Variants in HUNK observed in about 807,000 individuals in gnomAD.
HUNK encodes the protein hormonally up-regulated Neu-associated kinase.
HUNK carries 21 observed loss-of-function variants against 61.0 expected under a neutral mutation model. That is an observed-to-expected ratio of 0.34 (90% CI 0.24 to 0.50). HUNK has a LOEUF of 0.50. Ranked by LOEUF, HUNK falls within the 20% of genes least tolerant of loss-of-function variation. The probability of loss-of-function intolerance (pLI) is 0.98; values close to 1 mark genes in which losing one functional copy is unlikely to be tolerated. For synonymous variants in HUNK, 371 were observed against 386.1 expected, an observed-to-expected ratio of 0.96 and a Z score of 0.46; for missense variants, 772 against 945.7, an observed-to-expected ratio of 0.82 and a Z score of 2.41.
At position 31,910,460 on chromosome 21, in the gene HUNK, T is replaced by C. The variant is rs555501754; in HGVS notation, c.262-14008T>C. On this transcript the variant is annotated intron_variant, in intron 1 of 10. Transcript: ENST00000270112. ...CTGTTTCCAAATACAGCCATCTTTCTGTATCTGCAGGGATTGGTTTCAGGA... is the reference window on the plus strand; with the variant it reads ...CTGTTTCCAAATACAGCCATCTTTCCGTATCTGCAGGGATTGGTTTCAGGA... 9.9e-5 allele frequency among the ~76,000 whole-genome samples: 15 copies of C among 151,946 alleles called. No homozygotes were observed. The South Asian group carries it at 2.7e-3, about 27-fold the overall frequency.
intron 7 of HUNK, among the ~76,000 whole-genome samples, chr21:31,975,477 A>G (rs2053042297): frequency 6.6e-6 from 1 of 152,226 alleles, no homozygotes; most frequent in African/African-American, 2.4e-5. Flanking sequence ...TTTACTCAGA[A>G]TGGTGGGTGC....
rs779242198 is a variant in HUNK, at chr21:31,999,167, G to T, written c.2128G>T (p.Val710Phe). The T allele has an allele frequency of 3.1e-6, 5 of 1,605,826 alleles. No individual in the cohort carries two copies. Among genetic ancestry groups the T allele is most frequent in the Middle Eastern group, 1.7e-4 (1 of 6,016 alleles). ...CCTTGCCTTTGACATGGCCGATGGG[G>T]TCAAGACCCAGTGCTAACTTGGGCC... is the stretch of plus-strand genomic sequence containing the variant. ...VNLAFDMADG[V>F]KTQC The change falls in exon 11 of 11, where the codon GTC (valine) becomes TTC (phenylalanine). Residue 710 changes from valine to phenylalanine, a missense_variant. Physicochemically the swap from Val to Phe is conservative, Grantham distance 50 (BLOSUM62 -1). Transcript: ENST00000270112.
In HUNK at chr21:31,924,689, C is replaced by G; in HGVS notation, c.483C>G (p.Ser161=). 6.2e-7 allele frequency: 1 copy of G among 1,613,994 alleles called. No homozygotes were observed. Reference sequence around the variant, plus strand: ...ATGAGAAGAAGCGGCTGGAGGAGTCCGAAGCCCGCAGATACATCCGACAGC... The same window carrying G: ...ATGAGAAGAAGCGGCTGGAGGAGTCGGAAGCCCGCAGATACATCCGACAGC... ...KIYEKKRLEE[S]EARRYIRQLI... The change falls in exon 2 of 11, where the codon TCC becomes TCG. Residue 161 remains serine (S), a synonymous_variant. Coordinates refer to ENST00000270112, the MANE Select transcript of HUNK (RefSeq NM_014586.2). The surrounding 1 kb of genome is among the most constrained non-coding windows in gnomAD (Gnocchi z 5.1).
At chr21:31,889,074 T>A (rs1028454734) in intron 1 of HUNK, among the ~76,000 whole-genome samples, 2 of 152,200 alleles carry the variant, frequency 1.3e-5, no homozygotes, top group African/African-American at 4.8e-5. Flanking sequence ...ATCGTGAAGC[T>A]GGAAGTGCAT....
At chr21:31,996,635 G>A (rs779810908) in intron 10 of HUNK, among the ~76,000 whole-genome samples, 9 of 152,202 alleles carry the variant, frequency 5.9e-5, no homozygotes, top group Non-Finnish European at 1.2e-4. Flanking sequence ...AGCTGAGGGC[G>A]TCCTGAAGCA....
chr21:31,949,143 T>G (rs1282807436), intron 4 of HUNK, among the ~76,000 whole-genome samples: 1 of 152,238 alleles, frequency 6.6e-6, no homozygotes, highest in Middle Eastern at 3.2e-3. Context: ...TGCTGAAGGC[T>G]GGGCTCCCAG....
intron 9 of HUNK, among the ~76,000 whole-genome samples, chr21:31,991,337 A>G (rs1038107678): frequency 2.6e-5 from 4 of 151,734 alleles, no homozygotes; most frequent in African/African-American, 7.3e-5. Context: ...TCCTGTCTCA[A>G]CCTCTCAAGT....
chr21:31,939,109 CCCTT>C, intron 2 of HUNK, among the ~76,000 whole-genome samples: 1 of 152,220 alleles, frequency 6.6e-6, no homozygotes, highest in African/African-American at 2.4e-5. Context: ...GCTCATTTCT[CCCTT>C]CCACCTCCTC....
At chr21:31,911,364 G>T (rs1164109563) in intron 1 of HUNK, among the ~76,000 whole-genome samples, 1 of 152,190 alleles carries the variant, frequency 6.6e-6, no homozygotes, top group Non-Finnish European at 1.5e-5. Flanking sequence ...TTATAAGTGG[G>T]TGAGTCAGGG....
chr21:31,983,884 G>A (rs557766234), intron 8 of HUNK, among the ~76,000 whole-genome samples: 2 of 152,276 alleles, frequency 1.3e-5, no homozygotes, highest in Admixed American at 1.3e-4. Context: ...ATTGAATCTT[G>A]GGAGGTGAGA....
Position 31,873,773 on chromosome 21 carries a change from G to A in HUNK, c.99G>A (p.Glu33=), listed in dbSNP as rs1283596309. 6.6e-7 allele frequency: 1 copy of A among 1,514,488 alleles called. No homozygotes were observed. Among genetic ancestry groups the A allele is most frequent in the African/African-American group, 1.4e-5 (1 of 70,184 alleles). 93.8% of individuals were successfully genotyped at this position (1,514,488 alleles called of 1,614,324 possible). Residue 33 remains glutamate, a synonymous_variant, in exon 1 of 11, where the codon GAG becomes GAA. Coordinates refer to ENST00000270112, the MANE Select transcript of HUNK (RefSeq NM_014586.2). This position sits in a 1 kb window ranked among gnomAD's most constrained non-coding sequence, Gnocchi z 6.1. ...CGGCCAGGCCCGCGGCGGCCTGCGA[G>A]GGAAGTTTCCTGCCTGCCTGGGTGA... The part of the protein sequence containing the change: ...EDAARPAAAC[E]GSFLPAWVSG...
chr21:31,960,545 G>A (rs534793576), intron 5 of HUNK, among the ~76,000 whole-genome samples: 2 of 152,280 alleles, frequency 1.3e-5, no homozygotes, highest in East Asian at 3.9e-4. Flanking sequence ...CCGAGACTGG[G>A]TAATTTATAA....
At chr21:31,982,309 C>T (rs971147550) in intron 7 of HUNK, among the ~76,000 whole-genome samples, 13 of 152,172 alleles carry the variant, frequency 8.5e-5, no homozygotes, top group African/African-American at 2.9e-4. Flanking sequence ...ATACTCTAGG[C>T]GAGTGGCTGT....
At position 31,983,564 on chromosome 21, in the gene HUNK, G is replaced by A; in HGVS notation, c.1212G>A (p.Arg404=). The part of the protein sequence containing the change: ...DIQDSLCYKT[R]LYQIEKYRAP... ...AGGACAGCCTCTGCTACAAGACCCG[G>A]CTCTACCAGATAGAAAAGTACAGGG... Residue 404 remains arginine (R), a synonymous_variant, in exon 8 of 11, where the codon CGG becomes CGA. Coordinates refer to ENST00000270112, the MANE Select transcript of HUNK (RefSeq NM_014586.2). The A allele has an allele frequency of 6.2e-7, 1 of 1,613,864 alleles. No individual in the cohort carries two copies. Among genetic ancestry groups the A allele is most frequent in the Non-Finnish European group, 8.5e-7 (1 of 1,179,954 alleles).
chr21:31,945,576 T>TAAGTAAGTTG (rs1171662760), intron 3 of HUNK, among the ~76,000 whole-genome samples: 2 of 152,324 alleles, frequency 1.3e-5, no homozygotes, highest in Non-Finnish European at 2.9e-5. Context: ...GTGGCTGGAT[T>TAAGTAAGTTG]GCATGTCACT....
In HUNK at chr21:31,968,259, G is replaced by T. The variant is rs1305507396; in HGVS notation, c.884G>T (p.Ser295Ile). The T allele has an allele frequency of 2.5e-6, 4 of 1,614,106 alleles. No individual in the cohort carries two copies. The highest frequency in any genetic ancestry group is 3.4e-6 in the Non-Finnish European group (4 of 1,180,032). Reference sequence around the variant, plus strand: ...CCCAAATGTCTCCCAGGTGCCATCAGTTTCCTGCGCTCTCTCCTGGAACCG... The same window carrying T: ...CCCAAATGTCTCCCAGGTGCCATCATTTTCCTGCGCTCTCTCCTGGAACCG... The part of the protein sequence containing the change: ...LPTQLSTGAI[S>I]FLRSLLEPDP... The change falls in exon 6 of 11, where the codon AGT becomes ATT. Residue 295 changes from serine to isoleucine, a missense_variant. Coordinates refer to ENST00000270112, the MANE Select transcript of HUNK (RefSeq NM_014586.2).
Position 31,998,719 on chromosome 21 carries a change from C to T in HUNK, c.1680C>T (p.Arg560=), listed in dbSNP as rs185806046. 6.2e-7 allele frequency: 1 copy of T among 1,614,144 alleles called. No homozygotes were observed. The highest frequency in any genetic ancestry group is 1.1e-5 in the South Asian group (1 of 91,078). ...ACCCCCTGATGCTGGACATGGTGCG[C>T]TCCTTCGAGTCTGTGGATCGCGACG... is the stretch of plus-strand genomic sequence containing the variant. The part of the protein sequence containing the change: ...KEDPLMLDMV[R]SFESVDRDDH... Residue 560 remains arginine (R), a synonymous_variant, in exon 11 of 11, where the codon CGC becomes CGT. Coordinates refer to ENST00000270112, the MANE Select transcript of HUNK (RefSeq NM_014586.2).
intron 3 of HUNK, 57 bp from the exon 4 acceptor site, chr21:31,945,979 C>T: frequency 1.3e-6 from 2 of 1,535,254 alleles, no homozygotes; most frequent in Non-Finnish European, 1.8e-6. Flanking sequence ...TTGTTCCTCC[C>T]TCTTCATTTC....
intron 1 of HUNK, among the ~76,000 whole-genome samples, chr21:31,893,762 A>G (rs544737522): frequency 6.6e-6 from 1 of 152,228 alleles, no homozygotes; most frequent in Non-Finnish European, 1.5e-5. Flanking sequence ...TTAATTCTCC[A>G]TGTTTTTGAT....
Sources: allele counts gnomAD v4.1 joint callset (sites outside exome capture counted in the v4.1 genomes callset), GRCh38; gene constraint gnomAD v4.1.1; non-coding constraint Gnocchi (gnomAD v3.1); transcripts MANE v1.5; gene names NCBI Gene and HGNC (gene_info 2026-07-23, HGNC 2026-07-21).